The following ITGB6 variants were observed in gnomAD, a reference collection of about 807,000 sequenced individuals.
The protein encoded by ITGB6 is integrin subunit beta 6, also known as integrin beta-6.
Under a neutral mutation model 84.5 loss-of-function variants are expected in ITGB6, and 80 were observed. The observed-to-expected ratio is 0.95, with a 90% CI of 0.79 to 1.14. ITGB6 has a LOEUF of 1.14. ITGB6 is among the 50% of genes most tolerant of loss of function. The pLI is 0.00. For synonymous variants in ITGB6, 383 were observed against 354.9 expected (o/e 1.08, Z -0.89); for missense variants, 1,006 against 968.0 (o/e 1.04, Z -0.52).
rs375225126 is a variant in ITGB6, at chr2:160,152,442, G to A, written c.1018-10371C>T. On this transcript the variant is annotated intron_variant, in intron 7 of 14. Coordinates refer to ENST00000283249, the MANE Select transcript of ITGB6 (RefSeq NM_000888.5). ...TCAATAAACTAGGTATTGATGGAACGTATCTCAAAATAATAAGAGCTATTT... is the reference window on the plus strand; with the variant it reads ...TCAATAAACTAGGTATTGATGGAACATATCTCAAAATAATAAGAGCTATTT... Among the ~76,000 whole-genome samples, 4 of 152,154 alleles carry A rather than the reference G, an allele frequency of 2.6e-5. No individual in the cohort carries two copies. In the South Asian group the frequency reaches 8.3e-4, roughly 32 times the overall value.
intron 7 of ITGB6, among the ~76,000 whole-genome samples, chr2:160,143,958 T>G (rs1457727468): frequency 6.6e-6 from 1 of 152,184 alleles, no homozygotes; most frequent in Non-Finnish European, 1.5e-5. Flanking sequence ...ATTTGAGGGT[T>G]TCTAATGTTC....
intron 13 of ITGB6, among the ~76,000 whole-genome samples, chr2:160,109,108 C>T (rs1697020900): frequency 6.6e-6 from 1 of 152,178 alleles, no homozygotes; most frequent in Admixed American, 6.5e-5. Context: ...ACTAGTCATG[C>T]TGTCTTTAAG....
chr2:160,168,087 G>A (rs1685071847), intron 7 of ITGB6, among the ~76,000 whole-genome samples: 1 of 152,172 alleles, frequency 6.6e-6, no homozygotes, highest in Non-Finnish European at 1.5e-5. Flanking sequence ...GAACCCACAT[G>A]GGCTCTGCGT....
At chr2:160,119,254 G>C (rs902396848) in intron 12 of ITGB6, among the ~76,000 whole-genome samples, 16 of 152,292 alleles carry the variant, frequency 1.1e-4, no homozygotes, top group African/African-American at 3.9e-4. Context: ...CATGCTACCT[G>C]ACTTCAAACT....
chr2:160,130,668 G>A (rs982885596), intron 10 of ITGB6, among the ~76,000 whole-genome samples: 6 of 152,032 alleles, frequency 3.9e-5, no homozygotes, highest in African/African-American at 1.4e-4. Flanking sequence ...AATGATTTGG[G>A]CCAAAGCCAT....
At chr2:160,198,368 G>T (rs901637647) in intron 2 of ITGB6, among the ~76,000 whole-genome samples, 7 of 152,166 alleles carry the variant, frequency 4.6e-5, no homozygotes, top group African/African-American at 1.7e-4. Context: ...GTTTGGTGTC[G>T]AGGTTTGTTG....
At chr2:160,114,087 A>G (rs990812023) in intron 12 of ITGB6, among the ~76,000 whole-genome samples, 1 of 152,186 alleles carries the variant, frequency 6.6e-6, no homozygotes, top group Admixed American at 6.5e-5. Flanking sequence ...TCTTTCAAAT[A>G]GCTGCACTGA....
intron 10 of ITGB6, among the ~76,000 whole-genome samples, chr2:160,128,454 G>A (rs1488555321): frequency 6.6e-6 from 1 of 152,274 alleles, no homozygotes; most frequent in Admixed American, 6.5e-5. Context: ...ATTGGCTGAA[G>A]GAAGAGCTTC....
rs1410619115 is a variant in ITGB6, at chr2:160,195,554, A to G, written c.408T>C (p.Tyr136=). 6.2e-7 allele frequency: 1 copy of G among 1,614,126 alleles called. No homozygotes were observed. The highest frequency in any genetic ancestry group is 8.5e-7 in the Non-Finnish European group (1 of 1,180,008). ...TGGAGGCGGAGAGGTCCATGAGGTA[A>G]TACAAATCCACCGGGTAGTCCTCAG... The part of the protein sequence containing the change: ...RQTEDYPVDL[Y]YLMDLSASMD... Residue 136 remains tyrosine (Y), a synonymous_variant, in exon 4 of 15, where the codon TAT becomes TAC. Transcript: ENST00000283249.
At chr2:160,169,721 A>G (rs1685135046) in intron 6 of ITGB6, among the ~76,000 whole-genome samples, 1 of 152,218 alleles carries the variant, frequency 6.6e-6, no homozygotes, top group Non-Finnish European at 1.5e-5. Context: ...ACATGACTGA[A>G]GTGACTCTTG....
chr2:160,107,294 T>C (rs1055166252), intron 14 of ITGB6, among the ~76,000 whole-genome samples: 1 of 152,204 alleles, frequency 6.6e-6, no homozygotes, highest in African/African-American at 2.4e-5. Context: ...ATTCCATTCA[T>C]TATAACATAA....
chr2:160,166,918 A>G (rs967569709), intron 7 of ITGB6, among the ~76,000 whole-genome samples: 1 of 152,222 alleles, frequency 6.6e-6, no homozygotes, highest in Non-Finnish European at 1.5e-5. Context: ...ACTAAAAAAA[A>G]CAGTCATTTT....
rs201818641 is a variant in ITGB6 at position 160,123,810 on chromosome 2, C to T, written c.1962G>A (p.Ala654=). The part of the protein sequence containing the change: ...ECVDKCKLAG[A]TISEEEDFSK... ...CAGAACCTTCTTCTTCACTGATGGT[C>T]GCACCAGCTAGTTTGCACTTGTCCA... Residue 654 remains alanine (A), a synonymous_variant, in exon 12 of 15, where the codon GCG becomes GCA. Transcript: ENST00000283249. 108 of 1,613,658 alleles carry T rather than the reference C, an allele frequency of 6.7e-5. No homozygotes were observed. Among genetic ancestry groups the T allele is most frequent in the Non-Finnish European group, 6.5e-5 (77 of 1,179,768 alleles).
At position 160,128,261 on chromosome 2, in the gene ITGB6, C is replaced by T. The variant is rs149799980; in HGVS notation, c.1661-1660G>A. Among the ~76,000 whole-genome samples the T allele has an allele frequency of 6.0e-3, 769 of 127,216 alleles. 11 individuals carry two copies. Among genetic ancestry groups the T allele is most frequent in the Middle Eastern group, 0.041 (10 of 246 alleles). The allele number at this position is 127,216 out of a possible 152,430, so 83.5% of individuals were successfully genotyped here. ...ATGCTTGAGCTAAATTTGAAAGATACGGGTAGACAATACAAAAAAAAAAAA... is the reference window on the plus strand; with the variant it reads ...ATGCTTGAGCTAAATTTGAAAGATATGGGTAGACAATACAAAAAAAAAAAA... On this transcript the variant is annotated intron_variant, in intron 10 of 14. Coordinates refer to ENST00000283249, the MANE Select transcript of ITGB6 (RefSeq NM_000888.5).
chr2:160,167,849 A>T (rs766797960), intron 7 of ITGB6, among the ~76,000 whole-genome samples: 1 of 152,118 alleles, frequency 6.6e-6, no homozygotes. Flanking sequence ...CTTTGAAGAA[A>T]AGTTCTGTGC....
intron 6 of ITGB6, among the ~76,000 whole-genome samples, chr2:160,171,325 A>ATCTATTTTTTTT (rs1414747829): frequency 7.9e-6 from 1 of 126,004 alleles, no homozygotes. Flanking sequence ...CAGAAATCAA[A>ATCTATTTTTTTT]TTTATTTTTT....
chr2:160,131,547 G>T (rs1310363498), intron 10 of ITGB6, among the ~76,000 whole-genome samples: 2 of 152,072 alleles, frequency 1.3e-5, no homozygotes, highest in Non-Finnish European at 2.9e-5. Context: ...CCTGCACTAA[G>T]CACAATGCCA....
At chr2:160,181,731 C>G (rs1685683396) in intron 4 of ITGB6, among the ~76,000 whole-genome samples, 1 of 152,196 alleles carries the variant, frequency 6.6e-6, no homozygotes, top group Non-Finnish European at 1.5e-5. Context: ...ACACCTCATA[C>G]AAGAGAGCTC....
intron 11 of ITGB6, 79 bp downstream of exon 11, chr2:160,126,300 T>A: frequency 7.5e-7 from 1 of 1,329,928 alleles, no homozygotes; most frequent in South Asian, 1.3e-5. Context: ...ATCTGAGGTC[T>A]GAGTTTACAA....
Sources: allele counts gnomAD v4.1 joint callset (sites outside exome capture counted in the v4.1 genomes callset), GRCh38; gene constraint gnomAD v4.1.1; transcripts MANE v1.5; gene names NCBI Gene and HGNC (gene_info 2026-07-23, HGNC 2026-07-21).